Variants in CYB5R4 observed in about 807,000 individuals in gnomAD.
The protein encoded by CYB5R4 is cytochrome b5 reductase 4, also known as N-terminal cytochrome b5 and cytochrome b5 oxidoreductase domain-containing protein.
A neutral mutation model predicts 70.2 loss-of-function variants in CYB5R4; 55 were observed. That is an observed-to-expected ratio of 0.78 (90% CI 0.63 to 0.98). The LOEUF is 0.98. Ranked by LOEUF, CYB5R4 falls within the 50% of genes least tolerant of loss-of-function variation. CYB5R4 has a pLI of 0.00. For synonymous variants in CYB5R4, 197 were observed against 199.5 expected (o/e 0.99, Z 0.11); for missense variants, 562 against 612.6 (o/e 0.92, Z 0.87).
rs1562850369 is a variant in CYB5R4 at position 83,964,083 on chromosome 6, G to A, written c.*4205G>A. 2.2e-5 allele frequency: 4 copies of A among 182,174 alleles called. No individual in the cohort carries two copies. The highest frequency in any genetic ancestry group is 1.8e-4 in the Admixed American group (3 of 16,262). 11.3% of individuals were successfully genotyped at this position (182,174 alleles called of 1,614,324 possible). ...AACCCCTTTTTTTCCCCAGTCTCAGGTACGTCTTTTATCAGCAGCGTGAAA... is the reference window on the plus strand; with the variant it reads ...AACCCCTTTTTTTCCCCAGTCTCAGATACGTCTTTTATCAGCAGCGTGAAA... On this transcript the variant is annotated 3_prime_UTR_variant, in exon 16 of 16. Coordinates refer to ENST00000369681, the MANE Select transcript of CYB5R4 (RefSeq NM_016230.4).
At position 83,889,620 on chromosome 6, in the gene CYB5R4, T is replaced by C. The variant is rs551035538; in HGVS notation, c.230-3902T>C. 5.9e-5 allele frequency among the ~76,000 whole-genome samples: 9 copies of C among 152,352 alleles called. No individual in the cohort carries two copies. The East Asian group carries it at 7.7e-4, about 13-fold the overall frequency. On this transcript the variant is annotated intron_variant, in intron 2 of 15. Coordinates refer to ENST00000369681, the MANE Select transcript of CYB5R4 (RefSeq NM_016230.4). ...GCAACTGGTCACCCAAGAGGTCTGA[T>C]AGCACTGTACGTCATGCCTTCTCTA...
chr6:83,953,143 G>C (rs2129145413), intron 14 of CYB5R4, among the ~76,000 whole-genome samples: 1 of 152,108 alleles, frequency 6.6e-6, no homozygotes, highest in Admixed American at 6.6e-5. Context: ...ATAAATTTGG[G>C]AAACAGTATA....
chr6:83,903,406 G>A (rs1264760115), intron 3 of CYB5R4, among the ~76,000 whole-genome samples: 3 of 151,950 alleles, frequency 2.0e-5, no homozygotes, highest in Non-Finnish European at 2.9e-5. Context: ...TTGATGTGCT[G>A]TCAAATTCAT....
intron 2 of CYB5R4, among the ~76,000 whole-genome samples, chr6:83,866,647 G>T (rs540802378): frequency 6.6e-6 from 1 of 151,462 alleles, no homozygotes; most frequent in African/African-American, 2.4e-5. Flanking sequence ...ACAGGATCTC[G>T]CTTTGTCCCC....
rs567126870 is a variant in CYB5R4 at position 83,951,085 on chromosome 6, T to C, written c.1347-4213T>C. Among the ~76,000 whole-genome samples, 6 of 152,236 alleles carry C rather than the reference T, an allele frequency of 3.9e-5. No homozygotes were observed. The South Asian group carries it at 1.2e-3, about 32-fold the overall frequency. On this transcript the variant is annotated intron_variant, in intron 14 of 15. Transcript: ENST00000369681. ...GGAGAGCCCCCCTACAACAAAGAAT[T>C]ATCCAGCCCAAAATGCCAGTTGTGC...
rs952373989 is a variant in CYB5R4 at position 83,961,718 on chromosome 6, T to C, written c.*1840T>C. 6.6e-6 allele frequency: 1 copy of C among 152,130 alleles called. No individual in the cohort carries two copies. The highest frequency in any genetic ancestry group is 2.1e-4 in the South Asian group (1 of 4,816). 9.4% of individuals were successfully genotyped at this position (152,130 alleles called of 1,614,324 possible). On this transcript the variant is annotated 3_prime_UTR_variant, in exon 16 of 16. Transcript: ENST00000369681. ...ATAAAAAGAGACTATTTACCACTTTTTTTTAGTTCATTTGCGATGTATCAA... is the reference window on the plus strand; with the variant it reads ...ATAAAAAGAGACTATTTACCACTTTCTTTTAGTTCATTTGCGATGTATCAA...
intron 3 of CYB5R4, among the ~76,000 whole-genome samples, chr6:83,902,110 A>T (rs1406765399): frequency 6.6e-6 from 1 of 152,042 alleles, no homozygotes; most frequent in African/African-American, 2.4e-5. Flanking sequence ...AATGTCATGA[A>T]GTGTTTTTCC....
At position 83,964,768 on chromosome 6, in the gene CYB5R4, A is replaced by G. The variant is rs1388396877; in HGVS notation, c.*4890A>G. The G allele has an allele frequency of 2.0e-5, 3 of 152,178 alleles. No individual in the cohort carries two copies. The highest frequency in any genetic ancestry group is 7.2e-5 in the African/African-American group (3 of 41,440). The allele number at this position is 152,178 out of a possible 1,614,324, so 9.4% of individuals were successfully genotyped here. ...CTATCACAGACCTGGAGGTCTAGGAAGAAAAAATGGTAAAAATGGTTTTGT... is the reference window on the plus strand; with the variant it reads ...CTATCACAGACCTGGAGGTCTAGGAGGAAAAAATGGTAAAAATGGTTTTGT... On this transcript the variant is annotated 3_prime_UTR_variant, in exon 16 of 16. Coordinates refer to ENST00000369681, the MANE Select transcript of CYB5R4 (RefSeq NM_016230.4).
intron 8 of CYB5R4, among the ~76,000 whole-genome samples, chr6:83,921,824 C>T (rs2129140049): frequency 6.6e-6 from 1 of 152,322 alleles, no homozygotes; most frequent in South Asian, 2.1e-4. Context: ...ACCATATGAA[C>T]ACAGTGAAAT....
intron 12 of CYB5R4, among the ~76,000 whole-genome samples, chr6:83,939,394 G>A (rs183845971): frequency 2.2e-4 from 34 of 152,276 alleles, no homozygotes; most frequent in Non-Finnish European, 4.3e-4. Context: ...TTTCTCAACT[G>A]TGTTGATTCT....
intron 2 of CYB5R4, among the ~76,000 whole-genome samples, chr6:83,889,201 A>G (rs1445712089): frequency 6.6e-6 from 1 of 152,240 alleles, no homozygotes; most frequent in Non-Finnish European, 1.5e-5. Flanking sequence ...AGATCTAGCT[A>G]AGATCAGTGA....
At chr6:83,920,902 G>T (rs763054783) in intron 7 of CYB5R4, among the ~76,000 whole-genome samples, 180 bp from the exon 8 acceptor site, 2 of 152,122 alleles carry the variant, frequency 1.3e-5, no homozygotes, top group Non-Finnish European at 2.9e-5. Flanking sequence ...AAAATTTGGT[G>T]TGTCAATTGA....
intron 3 of CYB5R4, among the ~76,000 whole-genome samples, chr6:83,896,367 C>T (rs1422390669): frequency 6.6e-6 from 1 of 152,182 alleles, no homozygotes; most frequent in East Asian, 1.9e-4. Context: ...ACTCATTAGC[C>T]TGGCATGTGA....
chr6:83,960,135 C>T lies in CYB5R4; in HGVS notation c.*257C>T, dbSNP rs1253876678. 6.7e-6 allele frequency: 2 copies of T among 299,642 alleles called. No individual in the cohort carries two copies. Among genetic ancestry groups the T allele is most frequent in the African/African-American group, 2.2e-5 (1 of 45,220 alleles). The allele number at this position is 299,642 out of a possible 1,614,324, so 18.6% of individuals were successfully genotyped here. ...ACATACAGGATTCTTTGTTATGAAT[C>T]ACAAATTTCCTTGCCATTTAAATTA... is the stretch of plus-strand genomic sequence containing the variant. On this transcript the variant is annotated 3_prime_UTR_variant, in exon 16 of 16. Transcript: ENST00000369681.
chr6:83,870,971 C>CTTTT lies in CYB5R4; in HGVS notation c.229+6662_229+6665dup, dbSNP rs759131653. 8.7e-4 allele frequency among the ~76,000 whole-genome samples: 77 copies of CTTTT among 88,586 alleles called. 1 individual carries two copies. Among genetic ancestry groups the CTTTT allele is most frequent in the African/African-American group, 2.3e-3 (46 of 20,234 alleles). 58.1% of individuals were successfully genotyped at this position (88,586 alleles called of 152,430 possible). A position where few individuals can be genotyped will look rare whatever the true frequency, so the allele number is the denominator to read the frequency against. On this transcript the variant is annotated intron_variant, in intron 2 of 15. Transcript: ENST00000369681. The stretch of plus-strand genomic sequence containing the variant: ...TACATGTCCCTTCTTTCATTGTTTG[C>CTTTT]TTTTTTTTTTTTTTTTTTTTTTGCG...
intron 2 of CYB5R4, among the ~76,000 whole-genome samples, chr6:83,876,623 C>T (rs1449090358): frequency 6.6e-6 from 1 of 151,630 alleles, no homozygotes; most frequent in African/African-American, 2.4e-5. Context: ...CTTCCATTTT[C>T]CTTTTCTGTG....
chr6:83,959,811 A>AT lies in CYB5R4; in HGVS notation c.1512-10dup. 6.3e-7 allele frequency: 1 copy of AT among 1,592,678 alleles called. No homozygotes were observed. The highest frequency in any genetic ancestry group is 1.1e-5 in the South Asian group (1 of 87,160). The stretch of plus-strand genomic sequence containing the variant: ...TTTCCCTAAGAAACATGTGCTTTTT[A>AT]TTTGTTTTTCAGGTTGCTGCATGAT... On this transcript the variant is annotated splice_polypyrimidine_tract_variant and intron_variant, in intron 15 of 15. Coordinates refer to ENST00000369681, the MANE Select transcript of CYB5R4 (RefSeq NM_016230.4).
At chr6:83,955,756 A>G (rs2099472334) in intron 15 of CYB5R4, among the ~76,000 whole-genome samples, 1 of 152,216 alleles carries the variant, frequency 6.6e-6, no homozygotes, top group South Asian at 2.1e-4. Context: ...TATTTGGGAC[A>G]TTAGGCCCAA....
chr6:83,904,109 A>G (rs759308362), intron 3 of CYB5R4, among the ~76,000 whole-genome samples: 1 of 151,904 alleles, frequency 6.6e-6, no homozygotes, highest in Admixed American at 6.6e-5. Context: ...TTGCTTTTCT[A>G]GTTCCTTGAG....
Sources: allele counts gnomAD v4.1 joint callset (sites outside exome capture counted in the v4.1 genomes callset), GRCh38; gene constraint gnomAD v4.1.1; transcripts MANE v1.5; gene names NCBI Gene and HGNC (gene_info 2026-07-23, HGNC 2026-07-21).